The following MAGEC3 variants were observed in gnomAD, a reference collection of about 807,000 sequenced individuals.
MAGEC3 encodes MAGE family member C3.
MAGEC3 carries 34 observed loss-of-function variants against 35.3 expected under a neutral mutation model. The observed-to-expected ratio is 0.96, with a 90% CI of 0.73 to 1.28. The LOEUF (loss-of-function observed/expected upper bound fraction) is 1.28, where lower values mean the gene tolerates loss of function less well. Among genes scored for constraint, MAGEC3 ranks in the 50% most tolerant of loss-of-function variants. The pLI, the probability that MAGEC3 is intolerant of heterozygous loss-of-function variation, is 0.00. For missense variants in MAGEC3, 561 were observed against 483.6 expected, an observed-to-expected ratio of 1.16 and a Z score of -1.50; for synonymous variants, 202 against 185.6, an observed-to-expected ratio of 1.09 and a Z score of -0.72.
intron 1 of MAGEC3, chrX:141,840,062 A>G (rs775252435): frequency 2.8e-4 from 201 of 721,566 alleles, no homozygotes; most frequent in African/African-American, 9.1e-4. Context: ...AATGTGCACA[A>G]TGGAAATTCT....
At chrX:141,841,970 G>T (rs773685340) in intron 1 of MAGEC3, among the ~76,000 whole-genome samples, 1 of 111,313 alleles carries the variant, frequency 9.0e-6, no homozygotes, top group Non-Finnish European at 1.9e-5. Context: ...ATTGAAAGAA[G>T]TATTATTTTT....
chrX:141,883,285 G>C (rs181497453), intron 4 of MAGEC3, among the ~76,000 whole-genome samples: 1 of 112,346 alleles, frequency 8.9e-6, no homozygotes, highest in Non-Finnish European at 1.9e-5. Context: ...CATTTAATTA[G>C]GTTATTTTAA....
intron 3 of MAGEC3, chrX:141,880,936 T>A: frequency 1.5e-6 from 1 of 677,959 alleles, no homozygotes; most frequent in Non-Finnish European, 2.4e-6. Context: ...ATCATCCACA[T>A]CCCTGCTCAC....
intron 1 of MAGEC3, among the ~76,000 whole-genome samples, chrX:141,858,210 G>C (rs746484188): frequency 8.3e-4 from 92 of 111,453 alleles, no homozygotes; most frequent in Non-Finnish European, 1.3e-3. Flanking sequence ...ATGTCAGGAT[G>C]CATGCAGCTT....
intron 4 of MAGEC3, among the ~76,000 whole-genome samples, chrX:141,886,815 G>A (rs1209988807): frequency 1.8e-5 from 2 of 111,482 alleles, no homozygotes; most frequent in African/African-American, 6.5e-5. Flanking sequence ...GGAAGGGAAA[G>A]GCCAAGTGGA....
intron 1 of MAGEC3, among the ~76,000 whole-genome samples, chrX:141,851,697 A>G (rs2124088170): frequency 9.0e-6 from 1 of 110,588 alleles, no homozygotes; most frequent in African/African-American, 3.3e-5. Flanking sequence ...TTTAATCCCT[A>G]TGAATTTGCC....
chrX:141,876,857 G>C (rs1189601696), intron 2 of MAGEC3, among the ~76,000 whole-genome samples: 2 of 112,103 alleles, frequency 1.8e-5, no homozygotes, highest in Non-Finnish European at 3.8e-5. Flanking sequence ...TACATGTTTT[G>C]TTGGTTTTGT....
In MAGEC3 at chrX:141,897,697, C is replaced by G; in HGVS notation, c.1797C>G (p.Ala599=). ...LSKLSSIIPS[A]FPSWYMDALK... The stretch of plus-strand genomic sequence containing the variant: ...AGCTATCCAGTATCATCCCTAGTGC[C>G]TTTCCATCCTGGTACATGGATGCTT... The change falls in exon 8 of 8, where the codon GCC becomes GCG. Residue 599 remains alanine (A), a synonymous_variant. Transcript: ENST00000298296. The G allele has an allele frequency of 1.7e-6, 2 of 1,211,715 alleles. No homozygotes were observed. Among genetic ancestry groups the G allele is most frequent in the Non-Finnish European group, 2.2e-6 (2 of 895,480 alleles).
intron 3 of MAGEC3, 107 bp from the exon 4 acceptor site, chrX:141,881,296 C>A: frequency 1.0e-6 from 1 of 963,936 alleles, no homozygotes; most frequent in South Asian, 2.4e-5. Flanking sequence ...GAGTCCTCCC[C>A]AGGGTCCTCT....
At chrX:141,893,591 C>G (rs1214394742) in intron 4 of MAGEC3, among the ~76,000 whole-genome samples, 1 of 107,772 alleles carries the variant, frequency 9.3e-6, no homozygotes, top group African/African-American at 3.4e-5. Context: ...ACAGGTCCAT[C>G]AGTTGTTGCA....
Position 141,867,841 on chromosome X carries a change from G to C in MAGEC3, c.258+2236G>C, listed in dbSNP as rs2017859303. Among the ~76,000 whole-genome samples, 4 of 112,228 alleles carry C rather than the reference G, an allele frequency of 3.6e-5. No homozygotes were observed. In the Admixed American group the frequency reaches 3.8e-4, roughly 11 times the overall value. On this transcript the variant is annotated intron_variant, in intron 2 of 7. Coordinates refer to ENST00000298296, the MANE Select transcript of MAGEC3 (RefSeq NM_138702.1). ...TATTTGGCTTAAAAGGAGAGGTAGA[G>C]GCTGGGCATGGTGGCTCACGCCTGT...
At chrX:141,886,151 A>C (rs1276790201) in intron 4 of MAGEC3, among the ~76,000 whole-genome samples, 2 of 111,450 alleles carry the variant, frequency 1.8e-5, no homozygotes, top group Admixed American at 1.9e-4. Flanking sequence ...TGACTCCTGT[A>C]GAGCTCTGGC....
At position 141,897,728 on chromosome X, in the gene MAGEC3, G is replaced by C. The variant is rs369795777; in HGVS notation, c.1828G>C (p.Asp610His). The C allele has an allele frequency of 1.7e-6, 2 of 1,211,757 alleles. No individual in the cohort carries two copies. The highest frequency in any genetic ancestry group is 2.2e-6 in the Non-Finnish European group (2 of 895,541). The change falls in exon 8 of 8, where the codon GAT (aspartate) becomes CAT (histidine). Residue 610 changes from aspartate (D) to histidine (H), a missense_variant. Physicochemically the swap from Asp to His is moderately conservative, Grantham distance 81. Transcript: ENST00000298296. ...FPSWYMDALKDMEDRAQAIID... is the reference protein window; with the variant it reads ...FPSWYMDALKHMEDRAQAIID... Reference sequence around the variant, plus strand: ...ATCCTGGTACATGGATGCTTTGAAAGATATGGAAGACAGAGCCCAGGCCAT... The same window carrying C: ...ATCCTGGTACATGGATGCTTTGAAACATATGGAAGACAGAGCCCAGGCCAT...
chrX:141,865,651 T>C (rs2017843894), intron 2 of MAGEC3, 46 bp downstream of exon 2: 9 of 1,146,562 alleles, frequency 7.8e-6, no homozygotes, highest in Non-Finnish European at 1.0e-5. Context: ...GCCACAGATA[T>C]AGGGAGTTTT....
chrX:141,856,057 C>A (rs1358574682), intron 1 of MAGEC3, among the ~76,000 whole-genome samples: 1 of 111,676 alleles, frequency 9.0e-6, no homozygotes, highest in Non-Finnish European at 1.9e-5. Context: ...AGATGGACAT[C>A]AGACCTAACC....
rs763296418 is a variant in MAGEC3, at chrX:141,891,404, A to G, written c.910-3865A>G. Among the ~76,000 whole-genome samples the G allele has an allele frequency of 2.2e-4, 25 of 111,142 alleles. 1 individual carries two copies. In the East Asian group the frequency reaches 6.8e-3, roughly 30 times the overall value. The stretch of plus-strand genomic sequence containing the variant: ...AAATTTCAGGAAATGTTTTCATTCC[A>G]TTAGCTCACTGTTACTTTATCTGAC... On this transcript the variant is annotated intron_variant, in intron 4 of 7. Transcript: ENST00000298296.
chrX:141,864,513 C>CT (rs1261244571), intron 1 of MAGEC3, among the ~76,000 whole-genome samples: 12 of 110,419 alleles, frequency 1.1e-4, no homozygotes, highest in Non-Finnish European at 5.7e-5. Context: ...CCTTAGGAAA[C>CT]TAACGCAGGA....
At chrX:141,870,471 T>C (rs2017880706) in intron 2 of MAGEC3, among the ~76,000 whole-genome samples, 1 of 111,703 alleles carries the variant, frequency 9.0e-6, no homozygotes, top group Non-Finnish European at 1.9e-5. Context: ...CCCTTTTGAG[T>C]TTAGTTAATA....
At position 141,865,632 on chromosome X, in the gene MAGEC3, G is replaced by A. The variant is rs1391016844; in HGVS notation, c.258+27G>A. 9 of 1,182,620 alleles carry A rather than the reference G, an allele frequency of 7.6e-6. No homozygotes were observed. In the Admixed American group the frequency reaches 1.6e-4, roughly 21 times the overall value. ...TAAGGACTCTAAGGAAAGACTGAGG[G>A]GACCTCCTGCCACAGATATAGGGAG... On this transcript the variant is annotated intron_variant, in intron 2 of 7. Transcript: ENST00000298296.
Sources: gnomAD v4.1 joint callset for allele counts (sites outside exome capture counted in the v4.1 genomes callset) on GRCh38, gnomAD v4.1.1 for gene constraint, MANE v1.5 for transcripts, NCBI Gene and HGNC (gene_info 2026-07-23, HGNC 2026-07-21) for gene names.